Variants in MON2 observed in about 807,000 individuals in gnomAD.
The protein encoded by MON2 is protein MON2 homolog.
In MON2, 84 loss-of-function variants were observed where a neutral mutation model predicts 208.6. The ratio of observed to expected loss-of-function variants is 0.40; its 90% CI spans 0.34 to 0.48. The LOEUF (loss-of-function observed/expected upper bound fraction) is 0.48, where lower values mean the gene tolerates loss of function less well. Among genes scored for constraint, MON2 ranks in the 20% least tolerant of loss-of-function variants. The probability of loss-of-function intolerance (pLI) is 0.59; values close to 1 mark genes in which losing one functional copy is unlikely to be tolerated. For missense variants in MON2, 1,611 were observed against 2,015.4 expected, an observed-to-expected ratio of 0.80 and a Z score of 3.84; for synonymous variants, 660 against 694.0, an observed-to-expected ratio of 0.95 and a Z score of 0.77.
At chr12:62,481,298 G>A (rs185509069) in intron 1 of MON2, among the ~76,000 whole-genome samples, 9 of 152,146 alleles carry the variant, frequency 5.9e-5, no homozygotes, top group African/African-American at 1.7e-4. Flanking sequence ...AGGCTGAGGC[G>A]GGCGGATCAC....
chr12:62,560,214 C>A, intron 25 of MON2: 3 of 265,396 alleles, frequency 1.1e-5, no homozygotes, highest in Non-Finnish European at 2.1e-5. Context: ...TCGTCACCTA[C>A]CTGAGTTTTG....
chr12:62,583,962 A>G (rs972144818), intron 32 of MON2, among the ~76,000 whole-genome samples: 4 of 146,918 alleles, frequency 2.7e-5, no homozygotes, highest in African/African-American at 5.0e-5. Context: ...CCCTGTCTCA[A>G]AAAAAAAAAA....
chr12:62,501,132 T>C (rs539991378), intron 6 of MON2, among the ~76,000 whole-genome samples: 2 of 152,030 alleles, frequency 1.3e-5, no homozygotes, highest in Admixed American at 6.6e-5. Context: ...AAACAACTAG[T>C]CATACAAAAA....
At chr12:62,586,634 A>G (rs1197712657) in intron 33 of MON2, among the ~76,000 whole-genome samples, 1 of 152,108 alleles carries the variant, frequency 6.6e-6, no homozygotes, top group Non-Finnish European at 1.5e-5. Context: ...TTAAATTATA[A>G]CTCCTTATAC....
intron 33 of MON2, among the ~76,000 whole-genome samples, chr12:62,586,401 A>G (rs1417629852): frequency 1.3e-5 from 2 of 152,222 alleles, no homozygotes; most frequent in South Asian, 2.1e-4. Flanking sequence ...AAATTTCCCA[A>G]CAGAGATTTA....
Position 62,586,599 on chromosome 12 carries a change from C to G in MON2, c.4907+1098C>G, listed in dbSNP as rs145534462. Among the ~76,000 whole-genome samples, 275 of 152,150 alleles carry G rather than the reference C, an allele frequency of 1.8e-3. 3 individuals carry two copies. Among genetic ancestry groups the G allele is most frequent in the African/African-American group, 6.4e-3 (265 of 41,506 alleles). ...CTATTTGTATTTCTTCTTTTAGGAT[C>G]CAGTGTATTTTGAATTTCTAGAACT... On this transcript the variant is annotated intron_variant, in intron 33 of 34. Coordinates refer to ENST00000393630, the MANE Select transcript of MON2 (RefSeq NM_015026.3).
chr12:62,580,382 A>T lies in MON2; in HGVS notation c.4661A>T (p.Asn1554Ile). 3 of 1,608,578 alleles carry T rather than the reference A, an allele frequency of 1.9e-6. No individual in the cohort carries two copies. The highest frequency in any genetic ancestry group is 2.6e-6 in the Non-Finnish European group (3 of 1,175,436). ...EFVGQIMTML[N>I]KGSIHSQSSS... ...GTTGGTCAAATAATGACAATGCTTAACAAGGGCTCAATACATTCTCAGTCA... is the reference window on the plus strand; with the variant it reads ...GTTGGTCAAATAATGACAATGCTTATCAAGGGCTCAATACATTCTCAGTCA... Residue 1554 changes from asparagine (N) to isoleucine (I), a missense_variant, in exon 32 of 35, where the codon AAC becomes ATC. Transcript: ENST00000393630.
intron 18 of MON2, 21 bp from the exon 19 acceptor site, chr12:62,538,394 A>G (rs2073079950): frequency 6.3e-7 from 1 of 1,594,532 alleles, no homozygotes; most frequent in East Asian, 2.2e-5. Flanking sequence ...AAGATGTCTT[A>G]TTTCTTCATT....
chr12:62,500,767 C>T lies in MON2; in HGVS notation c.566-16C>T. Reference sequence around the variant, plus strand: ...GCTATTATGAACTCCTAAAACCCATCCTGTTTTGATTGCAGATATTATAGA... The same window carrying T: ...GCTATTATGAACTCCTAAAACCCATTCTGTTTTGATTGCAGATATTATAGA... On this transcript the variant is annotated splice_polypyrimidine_tract_variant and intron_variant, in intron 5 of 34. Coordinates refer to ENST00000393630, the MANE Select transcript of MON2 (RefSeq NM_015026.3). 1 of 1,384,392 alleles carries T rather than the reference C, an allele frequency of 7.2e-7. No homozygotes were observed. The highest frequency in any genetic ancestry group is 2.4e-5 in the East Asian group (1 of 41,898). The allele number at this position is 1,384,392 out of a possible 1,614,324, so 85.8% of individuals were successfully genotyped here.
At chr12:62,495,539 A>C (rs575732594) in intron 4 of MON2, among the ~76,000 whole-genome samples, 59 of 152,114 alleles carry the variant, frequency 3.9e-4, no homozygotes, top group Non-Finnish European at 7.8e-4. Flanking sequence ...AAATACAAAA[A>C]ATTAGCCAGG....
intron 12 of MON2, among the ~76,000 whole-genome samples, chr12:62,533,839 T>C (rs766541931): frequency 7.2e-5 from 11 of 152,218 alleles, no homozygotes; most frequent in Non-Finnish European, 1.6e-4. Context: ...CTATATTGAA[T>C]TACCATGACA....
At chr12:62,575,975 C>G (rs1001820799) in intron 30 of MON2, among the ~76,000 whole-genome samples, 1 of 152,018 alleles carries the variant, frequency 6.6e-6, no homozygotes, top group African/African-American at 2.4e-5. Context: ...CATGTTTACA[C>G]AAAAACTTGT....
At chr12:62,499,933 T>G (rs2070742611) in intron 5 of MON2, among the ~76,000 whole-genome samples, 1 of 152,130 alleles carries the variant, frequency 6.6e-6, no homozygotes, top group South Asian at 2.1e-4. Flanking sequence ...ATATTTCCAC[T>G]TTGGTATATT....
chr12:62,532,742 A>T (rs377360969), intron 12 of MON2, 72 bp downstream of exon 12: 1 of 1,172,268 alleles, frequency 8.5e-7, no homozygotes, highest in Admixed American at 2.0e-5. Flanking sequence ...TGTAGTCTTT[A>T]TAAATCTTTC....
At position 62,561,093 on chromosome 12, in the gene MON2, G is replaced by A; in HGVS notation, c.4012G>A (p.Ala1338Thr). The change falls in exon 26 of 35, where the codon GCT becomes ACT. Residue 1338 changes from alanine to threonine, a missense_variant. Transcript: ENST00000393630. ...AAGTTTACAGGAAGCTGTACTTACA[G>A]CTTTAGATGTTCTCCAAAAGGTAAT... ...LTSLQEAVLT[A>T]LDVLQKAICV... is the part of the protein sequence containing the mutation. 4 of 1,604,190 alleles carry A rather than the reference G, an allele frequency of 2.5e-6. No homozygotes were observed. Among genetic ancestry groups the A allele is most frequent in the Non-Finnish European group, 3.4e-6 (4 of 1,176,416 alleles).
chr12:62,480,536 A>G (rs1450023834), intron 1 of MON2, among the ~76,000 whole-genome samples: 5 of 152,184 alleles, frequency 3.3e-5, no homozygotes, highest in Non-Finnish European at 5.9e-5. Context: ...TTAACACTTC[A>G]GCCTGGGTGA....
chr12:62,479,226 C>T (rs1262086440), intron 1 of MON2, among the ~76,000 whole-genome samples: 1 of 152,094 alleles, frequency 6.6e-6, no homozygotes, highest in African/African-American at 2.4e-5. Flanking sequence ...TTGATATCTG[C>T]AGGGAATTGG....
At chr12:62,525,778 G>A (rs1201083664) in intron 10 of MON2, among the ~76,000 whole-genome samples, 171 bp from the exon 11 acceptor site, 1 of 152,146 alleles carries the variant, frequency 6.6e-6, no homozygotes, top group Non-Finnish European at 1.5e-5. Context: ...AGGGAAATAG[G>A]AACATTCTCT....
chr12:62,528,085 T>C (rs2136199387), intron 11 of MON2, among the ~76,000 whole-genome samples: 1 of 149,874 alleles, frequency 6.7e-6, no homozygotes, highest in East Asian at 2.0e-4. Context: ...GTAGATTTTT[T>C]TTTAGTGCTA....
Sources: gnomAD v4.1 joint callset for allele counts (sites outside exome capture counted in the v4.1 genomes callset) on GRCh38, gnomAD v4.1.1 for gene constraint, MANE v1.5 for transcripts, NCBI Gene and HGNC (gene_info 2026-07-23, HGNC 2026-07-21) for gene names.